The following SLC38A9 variants were observed in gnomAD, a reference collection of about 807,000 sequenced individuals.
SLC38A9 encodes solute carrier family 38 member 9, also known as neutral amino acid transporter 9.
In SLC38A9, 48 loss-of-function variants were observed where a neutral mutation model predicts 62.3. That is an observed-to-expected ratio of 0.77 (90% confidence interval 0.61 to 0.98). The LOEUF is 0.98. SLC38A9 is among the 50% of genes least tolerant of loss of function. The pLI is 0.00. For missense variants in SLC38A9, 541 were observed against 679.8 expected (o/e 0.80, Z 2.27); for synonymous variants, 204 against 227.7 (o/e 0.90, Z 0.94).
intron 14 of SLC38A9, among the ~76,000 whole-genome samples, chr5:55,628,219 T>G (rs553941595): frequency 6.6e-6 from 1 of 152,280 alleles, no homozygotes; most frequent in East Asian, 1.9e-4. Context: ...ACTGGTAGTG[T>G]GTATCAGAAT....
intron 11 of SLC38A9, among the ~76,000 whole-genome samples, chr5:55,646,265 G>T (rs1212211077): frequency 6.6e-6 from 1 of 152,142 alleles, no homozygotes; most frequent in African/African-American, 2.4e-5. Context: ...CCGCTACTTG[G>T]GAGGCTGAGG....
At position 55,672,597 on chromosome 5, in the gene SLC38A9, T is replaced by C; in HGVS notation, c.212A>G (p.Tyr71Cys). 1.2e-6 allele frequency: 2 copies of C among 1,614,206 alleles called. No homozygotes were observed. Among genetic ancestry groups the C allele is most frequent in the Non-Finnish European group, 1.7e-6 (2 of 1,180,030 alleles). Residue 71 changes from tyrosine (Y) to cysteine (C), a missense_variant, in exon 4 of 16, where the codon TAC becomes TGC. Coordinates refer to ENST00000396865, the MANE Select transcript of SLC38A9 (RefSeq NM_173514.4). ...GTCTGCAGGAGTGGTGAGCCGGCTG[T>C]AGTAATGAATTCTCTTGTTCATGGC... ...ASAMNKRIHY[Y>C]SRLTTPADKA...
intron 4 of SLC38A9, among the ~76,000 whole-genome samples, chr5:55,672,023 A>AT (rs899924780): frequency 3.3e-5 from 5 of 151,368 alleles, no homozygotes; most frequent in Admixed American, 6.6e-5. Context: ...AATTAAAAAA[A>AT]TTTTTTTTTG....
intron 10 of SLC38A9, among the ~76,000 whole-genome samples, chr5:55,650,680 C>G (rs1747229994): frequency 6.6e-6 from 1 of 152,198 alleles, no homozygotes. Context: ...TGGCAGCTTA[C>G]AGTGAATCCT....
At position 55,697,952 on chromosome 5, in the gene SLC38A9, T is replaced by C. The variant is rs1756142583; in HGVS notation, c.7A>G (p.Asn3Asp). The change falls in exon 3 of 16, where the codon AAT (asparagine) becomes GAT (aspartate). Residue 3 changes from asparagine to aspartate, a missense_variant. By Grantham distance (23) the Asn-to-Asp change is conservative (BLOSUM62 1). Transcript: ENST00000396865. MANMNSDSRHLGT... is the reference protein window; with the variant it reads MADMNSDSRHLGT... ...AGATGCCTAGAATCACTATTCATAT[T>C]TGCCATTTTTCTCACACTCTAAGCA... The C allele has an allele frequency of 1.3e-6, 2 of 1,584,196 alleles. No homozygotes were observed. The highest frequency in any genetic ancestry group is 2.7e-5 in the African/African-American group (2 of 73,872).
At chr5:55,662,663 C>T (rs111786396) in intron 8 of SLC38A9, among the ~76,000 whole-genome samples, 4,112 of 135,402 alleles carry the variant, frequency 0.03, 73 homozygotes, top group South Asian at 0.049. Context: ...AGCAAGACTC[C>T]GTCTCAAAAA....
At position 55,669,573 on chromosome 5, in the gene SLC38A9, G is replaced by A. The variant is rs762824546; in HGVS notation, c.416C>T (p.Pro139Leu). 10 of 1,608,940 alleles carry A rather than the reference G, an allele frequency of 6.2e-6. No individual in the cohort carries two copies. Among genetic ancestry groups the A allele is most frequent in the South Asian group, 2.2e-5 (2 of 89,596 alleles). The change falls in exon 6 of 16, where the codon CCT (proline) becomes CTT (leucine). Residue 139 changes from proline (P) to leucine (L), a missense_variant. Coordinates refer to ENST00000396865, the MANE Select transcript of SLC38A9 (RefSeq NM_173514.4). Reference protein sequence around the residue: ...TMMGTSILSIPWGIKQAGFTT... With the variant: ...TMMGTSILSILWGIKQAGFTT... ...TAGTATTACCTGTTTTATGCCCCAA[G>A]GAATGCTTAGTATAGATGTTCCCAT...
rs887255771 is a variant in SLC38A9, at chr5:55,691,045, A to G, written c.113+6801T>C. On this transcript the variant is annotated intron_variant, in intron 3 of 15. Coordinates refer to ENST00000396865, the MANE Select transcript of SLC38A9 (RefSeq NM_173514.4). ...TTTACAGATGTGCACGCTAGAGGAC[A>G]TTATAAAAAAGAGTGCCACAGCATA... 5 of 632,276 alleles carry G rather than the reference A, an allele frequency of 7.9e-6. No homozygotes were observed. In the East Asian group the frequency reaches 1.4e-4, roughly 17 times the overall value. 39.2% of individuals were successfully genotyped at this position (632,276 alleles called of 1,614,324 possible). A position where few individuals can be genotyped will look rare whatever the true frequency, so the allele number is the denominator to read the frequency against.
chr5:55,699,278 A>C (rs1411811149), intron 2 of SLC38A9, among the ~76,000 whole-genome samples: 2 of 152,210 alleles, frequency 1.3e-5, no homozygotes, highest in African/African-American at 4.8e-5. Context: ...AAAAACACCC[A>C]AAACTACTGA....
chr5:55,710,213 T>C (rs1757833045), intron 2 of SLC38A9, among the ~76,000 whole-genome samples: 1 of 151,030 alleles, frequency 6.6e-6, no homozygotes, highest in African/African-American at 2.4e-5. Context: ...TTTTTTTTTT[T>C]TTTTTTTAAG....
Position 55,626,473 on chromosome 5 carries a change from G to A in SLC38A9, c.*21C>T. The A allele has an allele frequency of 1.3e-6, 2 of 1,596,936 alleles. No individual in the cohort carries two copies. Among genetic ancestry groups the A allele is most frequent in the Non-Finnish European group, 1.7e-6 (2 of 1,170,326 alleles). ...GGCTCAAAATATCATGAGAGCTCTT[G>A]AAAAAAACAGTTGAGGTATTTCACA... On this transcript the variant is annotated 3_prime_UTR_variant, in exon 16 of 16. Coordinates refer to ENST00000396865, the MANE Select transcript of SLC38A9 (RefSeq NM_173514.4).
chr5:55,638,655 G>A lies in SLC38A9; in HGVS notation c.1168-2998C>T, dbSNP rs150515403. The stretch of plus-strand genomic sequence containing the variant: ...TTCATAGTGAAAATACTATTCAGTG[G>A]AGCATTTACTAACAAAAATGACAGA... On this transcript the variant is annotated intron_variant, in intron 12 of 15. Coordinates refer to ENST00000396865, the MANE Select transcript of SLC38A9 (RefSeq NM_173514.4). 1.2e-4 allele frequency among the ~76,000 whole-genome samples: 19 copies of A among 152,224 alleles called. No homozygotes were observed. In the East Asian group the frequency reaches 3.7e-3, roughly 29 times the overall value.
At chr5:55,710,451 G>A (rs960689408) in intron 2 of SLC38A9, among the ~76,000 whole-genome samples, 45 of 151,984 alleles carry the variant, frequency 3.0e-4, no homozygotes, top group Admixed American at 1.8e-3. Context: ...CAAATGATCC[G>A]CCCACCTCAG....
chr5:55,699,357 A>C (rs912644726), intron 2 of SLC38A9, among the ~76,000 whole-genome samples: 8 of 152,262 alleles, frequency 5.3e-5, no homozygotes, highest in Non-Finnish European at 1.0e-4. Context: ...TGCAAGGAAC[A>C]CTTAAAGCTA....
chr5:55,630,141 T>C (rs925087474), intron 14 of SLC38A9, among the ~76,000 whole-genome samples: 4 of 152,192 alleles, frequency 2.6e-5, no homozygotes, highest in Non-Finnish European at 4.4e-5. Flanking sequence ...GAAAAAGCTA[T>C]TAAAAGTACT....
intron 15 of SLC38A9, 104 bp downstream of exon 15, chr5:55,627,787 C>T (rs1742709742): frequency 1.5e-6 from 1 of 685,808 alleles, no homozygotes; most frequent in African/African-American, 1.8e-5. Context: ...TTTAAATACT[C>T]ATAGGAATTT....
At chr5:55,696,674 G>A (rs1755801519) in intron 3 of SLC38A9, 1 of 100,464 alleles carries the variant, frequency 1.0e-5, no homozygotes, top group African/African-American at 3.2e-5. Context: ...TCACCTCCCG[G>A]ACGGGGCGGC....
At chr5:55,649,518 T>A (rs190405308) in intron 10 of SLC38A9, among the ~76,000 whole-genome samples, 43 of 152,112 alleles carry the variant, frequency 2.8e-4, no homozygotes, top group African/African-American at 9.9e-4. Context: ...CTCTATGTAG[T>A]AGGCCTAAGA....
chr5:55,693,485 C>T (rs1755019159), intron 3 of SLC38A9: 1 of 152,146 alleles, frequency 6.6e-6, no homozygotes, highest in African/African-American at 2.4e-5. Context: ...TACTGCATTA[C>T]ACAACCTTGT....
Sources: allele counts gnomAD v4.1 joint callset (sites outside exome capture counted in the v4.1 genomes callset), GRCh38; gene constraint gnomAD v4.1.1; transcripts MANE v1.5; gene names NCBI Gene and HGNC (gene_info 2026-07-23, HGNC 2026-07-21).